Variants in PDSS2 observed in about 807,000 individuals in gnomAD.
PDSS2 encodes the protein all trans-polyprenyl-diphosphate synthase PDSS2.
Under a neutral mutation model 44.5 loss-of-function variants are expected in PDSS2, and 31 were observed. The observed-to-expected ratio is 0.70, with a 90% CI of 0.52 to 0.94. The LOEUF (loss-of-function observed/expected upper bound fraction) is 0.94. Ranked by LOEUF, PDSS2 falls within the 40% of genes least tolerant of loss-of-function variation. The pLI is 0.00. For synonymous variants in PDSS2, 157 were observed against 180.3 expected (o/e 0.87, Z 1.03); for missense variants, 452 against 482.2 (o/e 0.94, Z 0.59).
chr6:107,176,331 G>A (rs1347819021), intron 7 of PDSS2, among the ~76,000 whole-genome samples: 4 of 151,792 alleles, frequency 2.6e-5, no homozygotes, highest in South Asian at 2.1e-4. Flanking sequence ...TTGAGCCCCT[G>A]CGCCCGGCCA....
chr6:107,176,023 T>A (rs1771772914), intron 7 of PDSS2, among the ~76,000 whole-genome samples: 1 of 151,986 alleles, frequency 6.6e-6, no homozygotes, highest in South Asian at 2.1e-4. Flanking sequence ...CCCCAGGTTA[T>A]TTTCACTGCT....
chr6:107,229,863 A>T (rs1407096357), intron 4 of PDSS2: 3 of 180,790 alleles, frequency 1.7e-5, no homozygotes, highest in Non-Finnish European at 3.6e-5. Context: ...CTTGGAGGGC[A>T]ACAGTACCTA....
In PDSS2 at chr6:107,451,809, A is replaced by C. The variant is rs117484461; in HGVS notation, c.296+7181T>G. Among the ~76,000 whole-genome samples, 1,345 of 152,208 alleles carry C rather than the reference A, an allele frequency of 8.8e-3. 49 individuals carry two copies. In the East Asian group the frequency reaches 0.12, roughly 13 times the overall value. ...CCAATCTAGCGCTGGCCCTCTGGAC[A>C]CACCTTATGAACTCTTAACTTGTCT... On this transcript the variant is annotated intron_variant, in intron 1 of 7. Transcript: ENST00000369037.
chr6:107,184,008 A>G (rs1303932568), intron 7 of PDSS2, among the ~76,000 whole-genome samples: 3 of 152,104 alleles, frequency 2.0e-5, no homozygotes, highest in African/African-American at 7.2e-5. Flanking sequence ...TCAAAACAAA[A>G]CAAAACAAAA....
intron 1 of PDSS2, among the ~76,000 whole-genome samples, chr6:107,418,621 A>C (rs1302530476): frequency 6.6e-6 from 1 of 152,054 alleles, no homozygotes; most frequent in Non-Finnish European, 1.5e-5. Flanking sequence ...AAAATACAAA[A>C]AAAATTAGCC....
At chr6:107,281,085 T>C (rs1319370809) in intron 2 of PDSS2, among the ~76,000 whole-genome samples, 1 of 152,194 alleles carries the variant, frequency 6.6e-6, no homozygotes, top group Non-Finnish European at 1.5e-5. Flanking sequence ...TCAGTTGGTG[T>C]ATACCTTTGA....
At chr6:107,368,890 T>C (rs2114361394) in intron 1 of PDSS2, among the ~76,000 whole-genome samples, 1 of 152,170 alleles carries the variant, frequency 6.6e-6, no homozygotes, top group Admixed American at 6.5e-5. Context: ...AAGAACAAAA[T>C]TAGAGGACTT....
chr6:107,384,067 C>T (rs899055936), intron 1 of PDSS2, among the ~76,000 whole-genome samples: 1 of 152,104 alleles, frequency 6.6e-6, no homozygotes, highest in South Asian at 2.1e-4. Context: ...TATTCATACA[C>T]TAGAATATTA....
intron 2 of PDSS2, among the ~76,000 whole-genome samples, chr6:107,290,548 A>ATT (rs928229693): frequency 5.9e-5 from 9 of 151,366 alleles, no homozygotes; most frequent in Non-Finnish European, 8.8e-5. Flanking sequence ...CTCTGACTTC[A>ATT]TTCCCTTTGC....
At chr6:107,216,126 G>T (rs1256390562) in intron 4 of PDSS2, among the ~76,000 whole-genome samples, 1 of 151,356 alleles carries the variant, frequency 6.6e-6, no homozygotes, top group Non-Finnish European at 1.5e-5. Flanking sequence ...AACAAAGGGA[G>T]ACCCTGTCCA....
chr6:107,436,853 T>C (rs1250938645), intron 1 of PDSS2, among the ~76,000 whole-genome samples: 1 of 151,988 alleles, frequency 6.6e-6, no homozygotes, highest in Non-Finnish European at 1.5e-5. Context: ...ACAGTTATTA[T>C]TTGTCAATTA....
At chr6:107,360,017 T>C (rs559107097) in intron 1 of PDSS2, among the ~76,000 whole-genome samples, 1 of 152,280 alleles carries the variant, frequency 6.6e-6, no homozygotes, top group South Asian at 2.1e-4. Context: ...TCAGTCCATG[T>C]TTCACCCATC....
chr6:107,329,220 T>C (rs1263917525), intron 2 of PDSS2, among the ~76,000 whole-genome samples: 2 of 152,250 alleles, frequency 1.3e-5, no homozygotes, highest in Non-Finnish European at 1.5e-5. Context: ...TACTATGCCA[T>C]GCAGTATTCT....
intron 1 of PDSS2, among the ~76,000 whole-genome samples, chr6:107,360,154 G>A (rs1370131097): frequency 6.6e-6 from 1 of 152,106 alleles, no homozygotes. Context: ...GAATTGTGAA[G>A]GTTTATTATA....
At chr6:107,262,182 C>T (rs906302213) in intron 3 of PDSS2, among the ~76,000 whole-genome samples, 1 of 151,922 alleles carries the variant, frequency 6.6e-6, no homozygotes, top group Non-Finnish European at 1.5e-5. Context: ...GCTGGGATTA[C>T]AGGTGTGAGC....
chr6:107,193,049 C>G (rs966731405), intron 7 of PDSS2, among the ~76,000 whole-genome samples: 4 of 152,196 alleles, frequency 2.6e-5, no homozygotes, highest in Admixed American at 2.6e-4. Context: ...GTTCTTTTAG[C>G]CAAGCAGCTG....
chr6:107,436,619 T>C (rs1781355897), intron 1 of PDSS2, among the ~76,000 whole-genome samples: 1 of 152,204 alleles, frequency 6.6e-6, no homozygotes, highest in African/African-American at 2.4e-5. Flanking sequence ...TGTTAAAGGA[T>C]ACAAAATTTC....
chr6:107,397,374 T>C (rs1030767894), intron 1 of PDSS2, among the ~76,000 whole-genome samples: 2 of 152,184 alleles, frequency 1.3e-5, no homozygotes, highest in African/African-American at 4.8e-5. Flanking sequence ...TTCAGTGCCA[T>C]ATACCCACAG....
rs1457824767 is a variant in PDSS2, at chr6:107,334,209, C to G, written c.420G>C (p.Gly140=). Residue 140 remains glycine (G), a synonymous_variant, in exon 2 of 8, where the codon GGG becomes GGC. Coordinates refer to ENST00000369037, the MANE Select transcript of PDSS2 (RefSeq NM_020381.4). ...TSCQNYDMVS[G]IYSCQRSLAE... ...TAAATTCTTCTTACCATGAGTAGAT[C>G]CCACTGACCATGTCATAGTTCTGAC... is the stretch of plus-strand genomic sequence containing the variant. 6.2e-7 allele frequency: 1 copy of G among 1,613,792 alleles called. No individual in the cohort carries two copies. The highest frequency in any genetic ancestry group is 8.5e-7 in the Non-Finnish European group (1 of 1,179,848).
Sources: allele counts gnomAD v4.1 joint callset (sites outside exome capture counted in the v4.1 genomes callset), GRCh38; gene constraint gnomAD v4.1.1; transcripts MANE v1.5; gene names NCBI Gene and HGNC (gene_info 2026-07-23, HGNC 2026-07-21).